CDH13: variants seen among roughly 807,000 people sequenced by gnomAD.
CDH13 encodes cadherin 13, also known as cadherin-13.
CDH13 carries 24 observed loss-of-function variants against 63.8 expected under a neutral mutation model. The ratio of observed to expected loss-of-function variants is 0.38; its 90% confidence interval spans 0.27 to 0.53. The LOEUF (loss-of-function observed/expected upper bound fraction) is 0.53, where lower values mean the gene tolerates loss of function less well. Among genes scored for constraint, CDH13 ranks in the 20% least tolerant of loss-of-function variants. CDH13 has a pLI of 0.85. For synonymous variants in CDH13, 503 were observed against 355.3 expected, an observed-to-expected ratio of 1.42 and a Z score of -4.67; for missense variants, 1,049 against 903.1, an observed-to-expected ratio of 1.16 and a Z score of -2.07.
intron 5 of CDH13, among the ~76,000 whole-genome samples, chr16:83,301,362 A>G (rs1271181958): frequency 1.3e-5 from 2 of 151,974 alleles, no homozygotes; most frequent in African/African-American, 4.8e-5. Flanking sequence ...TTATTTCCCC[A>G]GTACATTTAT....
chr16:83,331,393 C>T (rs1169775863), intron 5 of CDH13, among the ~76,000 whole-genome samples: 1 of 152,156 alleles, frequency 6.6e-6, no homozygotes, highest in South Asian at 2.1e-4. Flanking sequence ...TACTATAATA[C>T]TGATGATGTC....
rs183848616 is a variant in CDH13 at position 83,060,565 on chromosome 16, T to C, written c.366+28347T>C. 2.7e-4 allele frequency among the ~76,000 whole-genome samples: 41 copies of C among 152,182 alleles called. No individual in the cohort carries two copies. In the Middle Eastern group the frequency reaches 0.01, roughly 38 times the overall value. On this transcript the variant is annotated intron_variant, in intron 3 of 13. Transcript: ENST00000567109. The stretch of plus-strand genomic sequence containing the variant: ...GAGGCCCAGAGAGGCAGTCGAGGTG[T>C]AGAAAGGTTAAGTAACATTCCCACT...
At chr16:82,979,833 G>A (rs1035485280) in intron 2 of CDH13, among the ~76,000 whole-genome samples, 1 of 152,122 alleles carries the variant, frequency 6.6e-6, no homozygotes, top group South Asian at 2.1e-4. Context: ...ACTAAAATTG[G>A]CAGGGGGAAA....
chr16:83,783,484 T>A lies in CDH13; in HGVS notation c.2134+12T>A, dbSNP rs1234528361. The stretch of plus-strand genomic sequence containing the variant: ...CTTCAGCTTAGCTTGTAAGTTGACC[T>A]AACTCCAGTGCATGCACAAACAGGA... On this transcript the variant is annotated intron_variant, in intron 13 of 13. Transcript: ENST00000567109. The A allele has an allele frequency of 1.9e-6, 3 of 1,604,792 alleles. No individual in the cohort carries two copies. Among genetic ancestry groups the A allele is most frequent in the African/African-American group, 1.3e-5 (1 of 74,732 alleles).
chr16:83,581,766 C>T (rs1905626990), intron 7 of CDH13, among the ~76,000 whole-genome samples: 1 of 152,136 alleles, frequency 6.6e-6, no homozygotes. Context: ...CTGCAATGAG[C>T]CAAAATCATG....
At chr16:83,453,629 G>T (rs547805351) in intron 6 of CDH13, among the ~76,000 whole-genome samples, 3 of 152,120 alleles carry the variant, frequency 2.0e-5, no homozygotes, top group Admixed American at 1.3e-4. Context: ...TGGGGTGTGC[G>T]TCTGTTTAAT....
intron 1 of CDH13, among the ~76,000 whole-genome samples, chr16:82,681,050 G>T (rs901431673): frequency 6.6e-6 from 1 of 152,216 alleles, no homozygotes; most frequent in African/African-American, 2.4e-5. Flanking sequence ...ATGAGAGCAG[G>T]TCTGTTCTGG....
intron 11 of CDH13, among the ~76,000 whole-genome samples, chr16:83,778,631 A>G (rs780575244): frequency 6.6e-6 from 1 of 152,210 alleles, no homozygotes; most frequent in African/African-American, 2.4e-5. Flanking sequence ...AGTAGCTGAA[A>G]TATCAGGAAA....
chr16:83,598,235 T>A (rs1907456518), intron 7 of CDH13, among the ~76,000 whole-genome samples: 2 of 151,884 alleles, frequency 1.3e-5, no homozygotes, highest in Admixed American at 1.3e-4. Context: ...TGTGGTGGCG[T>A]GTGATTATAG....
rs899371979 is a variant in CDH13, at chr16:83,767,849, G to A, written c.1682-12119G>A. 5.3e-4 allele frequency among the ~76,000 whole-genome samples: 81 copies of A among 152,134 alleles called. 1 individual carries two copies. Among genetic ancestry groups the A allele is most frequent in the South Asian group, 4.1e-4 (2 of 4,830 alleles). On this transcript the variant is annotated intron_variant, in intron 11 of 13. Transcript: ENST00000567109. ...AGTAGTTGCCAGGGGCTGGGAGTGG[G>A]CATGAAGAGTTAGTACAAATTGGCC...
At chr16:83,603,593 C>G (rs554702298) in intron 8 of CDH13, among the ~76,000 whole-genome samples, 1 of 152,150 alleles carries the variant, frequency 6.6e-6, no homozygotes, top group Non-Finnish European at 1.5e-5. Flanking sequence ...GCCATCAATG[C>G]TTCCAACCTC....
intron 5 of CDH13, among the ~76,000 whole-genome samples, chr16:83,281,845 A>C (rs1377397992): frequency 6.6e-6 from 1 of 152,024 alleles, no homozygotes; most frequent in African/African-American, 2.4e-5. Flanking sequence ...CCCAAGAAGC[A>C]AAGGTTGCAG....
intron 3 of CDH13, among the ~76,000 whole-genome samples, chr16:83,063,594 T>C (rs1266312064): frequency 6.6e-6 from 1 of 152,188 alleles, no homozygotes; most frequent in African/African-American, 2.4e-5. Flanking sequence ...GACTTGCCAA[T>C]GGTTGTAATA....
intron 6 of CDH13, among the ~76,000 whole-genome samples, chr16:83,363,073 T>G (rs1487124295): frequency 6.6e-6 from 1 of 152,194 alleles, no homozygotes; most frequent in Non-Finnish European, 1.5e-5. Flanking sequence ...AGGAGGAAAT[T>G]TTCTAGAGTT....
intron 4 of CDH13, among the ~76,000 whole-genome samples, chr16:83,133,900 G>A (rs2036163501): frequency 6.6e-6 from 1 of 152,182 alleles, no homozygotes; most frequent in South Asian, 2.1e-4. Flanking sequence ...CCCACTAACT[G>A]TAATTCATCA....
rs550588408 is a variant in CDH13 at position 82,644,055 on chromosome 16, G to C, written c.45+16918G>C. ...TAAAAGTAGTAAGTGGTTTAGGATG[G>C]GGGGTGGTATGGAGGTCGGGTGGGG... On this transcript the variant is annotated intron_variant, in intron 1 of 13. Transcript: ENST00000567109. The surrounding 1 kb of genome is among the most constrained non-coding windows in gnomAD (Gnocchi z 5.7). 3.3e-5 allele frequency among the ~76,000 whole-genome samples: 5 copies of C among 152,258 alleles called. No individual in the cohort carries two copies. Among genetic ancestry groups the C allele is most frequent in the East Asian group, 1.9e-4 (1 of 5,184 alleles).
At chr16:83,678,546 C>T in intron 10 of CDH13, 85 bp downstream of exon 10, 2 of 1,492,158 alleles carry the variant, frequency 1.3e-6, no homozygotes, top group Non-Finnish European at 1.8e-6. Context: ...TTGTCAGGAG[C>T]AGACACCATT....
At chr16:82,944,175 C>T (rs960688762) in intron 2 of CDH13, among the ~76,000 whole-genome samples, 15 of 152,174 alleles carry the variant, frequency 9.9e-5, no homozygotes, top group African/African-American at 3.6e-4. Flanking sequence ...GCAAACCACA[C>T]CTTTCTTTGT....
At chr16:83,263,970 A>T (rs1395314671) in intron 5 of CDH13, among the ~76,000 whole-genome samples, 4 of 152,210 alleles carry the variant, frequency 2.6e-5, no homozygotes, top group African/African-American at 9.7e-5. Context: ...TTTTGTTCTT[A>T]TGTCAAGATC....
Sources: allele counts gnomAD v4.1 joint callset (sites outside exome capture counted in the v4.1 genomes callset), GRCh38; gene constraint gnomAD v4.1.1; non-coding constraint Gnocchi (gnomAD v3.1); transcripts MANE v1.5; gene names NCBI Gene and HGNC (gene_info 2026-07-23, HGNC 2026-07-21).